The following COL5A2 variants were observed in gnomAD, a reference collection of about 807,000 sequenced individuals.
COL5A2 encodes the protein collagen alpha-2(V) chain.
Under a neutral mutation model 208.2 loss-of-function variants are expected in COL5A2, and 23 were observed. The ratio of observed to expected loss-of-function variants is 0.11; its 90% CI spans 0.08 to 0.16. COL5A2 has a LOEUF of 0.16. Ranked by LOEUF, COL5A2 falls within the 10% of genes least tolerant of loss-of-function variation. The probability of loss-of-function intolerance (pLI) is 1.00; values close to 1 mark genes in which losing one functional copy is unlikely to be tolerated. For synonymous variants in COL5A2, 625 were observed against 628.5 expected, an observed-to-expected ratio of 0.99 and a Z score of 0.08; for missense variants, 1,590 against 1,956.4, an observed-to-expected ratio of 0.81 and a Z score of 3.53.
intron 1 of COL5A2, among the ~76,000 whole-genome samples, chr2:189,142,930 T>A (rs936148365): frequency 6.6e-6 from 1 of 152,184 alleles, no homozygotes; most frequent in Non-Finnish European, 1.5e-5. Context: ...ATTCATTCTC[T>A]TAAATATTAT....
chr2:189,296,819 T>TA, the COL5A2 span, among the ~76,000 whole-genome samples: 1 of 152,220 alleles, frequency 6.6e-6, no homozygotes, highest in African/African-American at 2.4e-5. Context: ...CTTGTTGCAC[T>TA]ATACAGTAAG....
the COL5A2 span, among the ~76,000 whole-genome samples, chr2:189,376,317 G>A: frequency 6.6e-6 from 1 of 151,760 alleles, no homozygotes; most frequent in African/African-American, 2.4e-5. Context: ...GTACATTTAT[G>A]TCTTTCATAG....
At chr2:189,306,473 T>G in the COL5A2 span, among the ~76,000 whole-genome samples, 382 of 152,336 alleles carry the variant, frequency 2.5e-3, 15 homozygotes, top group Non-Finnish European at 3.1e-3. Flanking sequence ...CTATAATAAA[T>G]GCATCTTCAT....
the COL5A2 span, among the ~76,000 whole-genome samples, chr2:189,271,507 T>A: frequency 0.014 from 2,097 of 152,108 alleles, 24 homozygotes; most frequent in South Asian, 0.045. Flanking sequence ...AAAAATTAAC[T>A]CAAGATAGAT....
intron 1 of COL5A2, among the ~76,000 whole-genome samples, chr2:189,193,647 A>G (rs180714975): frequency 6.6e-6 from 1 of 152,322 alleles, no homozygotes; most frequent in Non-Finnish European, 1.5e-5. Flanking sequence ...ACATGCAAAA[A>G]TTACACAAGT....
Position 189,033,903 on chromosome 2 carries a change from T to G in COL5A2, c.*167A>C. Reference sequence around the variant, plus strand: ...ACTTGAGGATTGTAAGTAAAATAAATATTCTGAAGGATAAGGAGGCCAGGC... The same window carrying G: ...ACTTGAGGATTGTAAGTAAAATAAAGATTCTGAAGGATAAGGAGGCCAGGC... On this transcript the variant is annotated 3_prime_UTR_variant, in exon 54 of 54. Transcript: ENST00000374866. 1.3e-6 allele frequency: 1 copy of G among 784,450 alleles called. No individual in the cohort carries two copies. The allele number at this position is 784,450 out of a possible 1,614,324, so 48.6% of individuals were successfully genotyped here. A position where few individuals can be genotyped will look rare whatever the true frequency, so the allele number is the denominator to read the frequency against.
intron 1 of COL5A2, among the ~76,000 whole-genome samples, chr2:189,199,055 T>C (rs1461411750): frequency 6.9e-6 from 1 of 145,312 alleles, no homozygotes; most frequent in Non-Finnish European, 1.5e-5. Context: ...TGCTGGTGTA[T>C]ACTATTATTT....
intron 26 of COL5A2, 132 bp downstream of exon 26, chr2:189,063,848 A>G: frequency 1.4e-6 from 1 of 706,856 alleles, no homozygotes; most frequent in South Asian, 1.9e-5. Context: ...ATATGCTTCC[A>G]GAAGTTGGTA....
the COL5A2 span, among the ~76,000 whole-genome samples, chr2:189,247,092 T>C: frequency 6.6e-6 from 1 of 152,064 alleles, no homozygotes; most frequent in East Asian, 1.9e-4. Context: ...ATAAAAGAGA[T>C]TACCTTGGAT....
intron 1 of COL5A2, among the ~76,000 whole-genome samples, chr2:189,165,763 T>G (rs1421899712): frequency 1.3e-5 from 2 of 152,194 alleles, no homozygotes; most frequent in Non-Finnish European, 2.9e-5. Flanking sequence ...GGAAAAGAAG[T>G]GCTAACTGTA....
chr2:189,330,253 T>TA, the COL5A2 span, among the ~76,000 whole-genome samples: 1 of 151,718 alleles, frequency 6.6e-6, no homozygotes, highest in Admixed American at 6.6e-5. Context: ...GAGAGCAGAG[T>TA]AAAAAATCCT....
At chr2:189,291,540 A>G in the COL5A2 span, among the ~76,000 whole-genome samples, 2 of 152,218 alleles carry the variant, frequency 1.3e-5, no homozygotes, top group South Asian at 4.1e-4. Flanking sequence ...TTATTAGGAC[A>G]TTAGGTTAAA....
chr2:189,345,731 A>C, the COL5A2 span, among the ~76,000 whole-genome samples: 1 of 152,194 alleles, frequency 6.6e-6, no homozygotes, highest in Non-Finnish European at 1.5e-5. Flanking sequence ...CAAATAGAGA[A>C]GGGGCAAGAA....
At chr2:189,061,702 T>G (rs568797294) in intron 29 of COL5A2, 87 bp from the exon 30 acceptor site, 76 of 969,480 alleles carry the variant, frequency 7.8e-5, no homozygotes, top group Middle Eastern at 4.2e-4. Flanking sequence ...GTACTGATAT[T>G]TATTTGTATT....
the COL5A2 span, among the ~76,000 whole-genome samples, chr2:189,413,459 GACTGGGCCCA>G: frequency 1.8e-4 from 27 of 152,128 alleles, no homozygotes; most frequent in Non-Finnish European, 1.5e-5. Context: ...AAAGGATGAC[GACTGGGCCCA>G]AGGAGATGTG....
the COL5A2 span, among the ~76,000 whole-genome samples, chr2:189,293,568 G>A: frequency 6.6e-6 from 1 of 152,190 alleles, no homozygotes; most frequent in Non-Finnish European, 1.5e-5. Flanking sequence ...GAACCTTTAA[G>A]AGGGAATTAA....
At chr2:189,163,490 C>T (rs756181555) in intron 1 of COL5A2, among the ~76,000 whole-genome samples, 1 of 152,262 alleles carries the variant, frequency 6.6e-6, no homozygotes, top group Middle Eastern at 3.4e-3. Context: ...TTTATAACAG[C>T]ATCTAGGAAC....
chr2:189,082,093 G>T (rs1205745734), intron 12 of COL5A2, among the ~76,000 whole-genome samples: 1 of 152,100 alleles, frequency 6.6e-6, no homozygotes, highest in Admixed American at 6.6e-5. Flanking sequence ...ACTAAATAAA[G>T]AAATGGTTTG....
intron 1 of COL5A2, among the ~76,000 whole-genome samples, chr2:189,156,470 A>T (rs1217522556): frequency 6.6e-6 from 1 of 152,154 alleles, no homozygotes; most frequent in Admixed American, 6.5e-5. Context: ...TTACTTTTTC[A>T]CAAGGCTTTG....
Sources: gnomAD v4.1 joint callset for allele counts (sites outside exome capture counted in the v4.1 genomes callset) on GRCh38, gnomAD v4.1.1 for gene constraint, MANE v1.5 for transcripts, NCBI Gene and HGNC (gene_info 2026-07-23, HGNC 2026-07-21) for gene names.